Variants in FRAS1 observed in about 807,000 individuals in gnomAD.
FRAS1 encodes extracellular matrix organizing protein FRAS1.
FRAS1 carries 290 observed loss-of-function variants against 435.2 expected under a neutral mutation model. The observed-to-expected ratio is 0.67, with a 90% CI of 0.61 to 0.73. The LOEUF (loss-of-function observed/expected upper bound fraction) is 0.73, where lower values mean the gene tolerates loss of function less well. Ranked by LOEUF, FRAS1 falls within the 30% of genes least tolerant of loss-of-function variation. The pLI is 0.00. For synonymous variants in FRAS1, 1,800 were observed against 1,851.0 expected, an observed-to-expected ratio of 0.97 and a Z score of 0.71; for missense variants, 4,860 against 5,001.5, an observed-to-expected ratio of 0.97 and a Z score of 0.85.
At chr4:78,506,257 G>A (rs182376475) in intron 61 of FRAS1, among the ~76,000 whole-genome samples, 18 of 152,348 alleles carry the variant, frequency 1.2e-4, no homozygotes, top group African/African-American at 4.1e-4. Flanking sequence ...CAAATGCCAT[G>A]CTGGGAGAAC....
intron 55 of FRAS1, among the ~76,000 whole-genome samples, chr4:78,478,406 A>G (rs915975096): frequency 6.6e-6 from 1 of 152,242 alleles, no homozygotes; most frequent in African/African-American, 2.4e-5. Context: ...GAGGGAAGTT[A>G]CAGTTCATAA....
chr4:78,399,507 A>G (rs372897570), intron 29 of FRAS1, among the ~76,000 whole-genome samples: 1 of 152,184 alleles, frequency 6.6e-6, no homozygotes, highest in African/African-American at 2.4e-5. Flanking sequence ...GAAAATGTCA[A>G]TTATGAGGCT....
chr4:78,142,710 C>A (rs1720245193), intron 2 of FRAS1, among the ~76,000 whole-genome samples: 1 of 152,022 alleles, frequency 6.6e-6, no homozygotes, highest in Non-Finnish European at 1.5e-5. Context: ...AAATACACAA[C>A]AAAAATAGTT....
chr4:78,439,801 C>T (rs952829271), intron 40 of FRAS1, among the ~76,000 whole-genome samples: 1 of 151,918 alleles, frequency 6.6e-6, no homozygotes, highest in African/African-American at 2.4e-5. Flanking sequence ...TGGCTCTTGT[C>T]TTTAAAATAT....
At chr4:78,271,449 T>G (rs536973350) in intron 9 of FRAS1, among the ~76,000 whole-genome samples, 1 of 152,140 alleles carries the variant, frequency 6.6e-6, no homozygotes, top group Admixed American at 6.5e-5. Context: ...TATCTCCTAA[T>G]GCTATCCCTC....
intron 2 of FRAS1, among the ~76,000 whole-genome samples, chr4:78,234,572 A>T (rs1407061370): frequency 6.6e-6 from 1 of 152,190 alleles, no homozygotes; most frequent in Non-Finnish European, 1.5e-5. Flanking sequence ...AGTAGACTGT[A>T]ATAGTTACAC....
chr4:78,151,586 G>C (rs1434574668), intron 2 of FRAS1, among the ~76,000 whole-genome samples: 1 of 152,166 alleles, frequency 6.6e-6, no homozygotes, highest in Non-Finnish European at 1.5e-5. Flanking sequence ...TCAAGTTAAG[G>C]CTAATGGAAG....
intron 2 of FRAS1, among the ~76,000 whole-genome samples, chr4:78,128,043 G>A (rs1055876658): frequency 6.6e-6 from 1 of 151,810 alleles, no homozygotes; most frequent in Non-Finnish European, 1.5e-5. Context: ...GAGGATGATG[G>A]TTTCCAGTTT....
intron 27 of FRAS1, among the ~76,000 whole-genome samples, chr4:78,380,723 T>C (rs1199835509): frequency 6.6e-6 from 1 of 152,198 alleles, no homozygotes; most frequent in Non-Finnish European, 1.5e-5. Context: ...AGACTCTATG[T>C]ATAAACAAGG....
chr4:78,086,443 G>A (rs934991410), intron 2 of FRAS1, among the ~76,000 whole-genome samples: 3 of 152,014 alleles, frequency 2.0e-5, no homozygotes, highest in Non-Finnish European at 4.4e-5. Flanking sequence ...AACTGAAGGA[G>A]ATAGAGACAC....
At chr4:78,400,394 G>A (rs1481183082) in intron 29 of FRAS1, among the ~76,000 whole-genome samples, 1 of 152,144 alleles carries the variant, frequency 6.6e-6, no homozygotes. Context: ...CATATAATAG[G>A]TGCTTAATGA....
At chr4:78,317,180 G>A (rs891219583) in intron 16 of FRAS1, among the ~76,000 whole-genome samples, 188 bp from the exon 17 acceptor site, 3 of 152,202 alleles carry the variant, frequency 2.0e-5, no homozygotes, top group Non-Finnish European at 4.4e-5. Flanking sequence ...GTAGAGCATG[G>A]CTAAATGGTG....
intron 2 of FRAS1, among the ~76,000 whole-genome samples, chr4:78,121,419 C>T (rs866888689): frequency 6.6e-6 from 1 of 152,188 alleles, no homozygotes; most frequent in Non-Finnish European, 1.5e-5. Flanking sequence ...CCAGTGAGAA[C>T]CCTGATTAGG....
intron 14 of FRAS1, among the ~76,000 whole-genome samples, chr4:78,307,274 C>A (rs1176312037): frequency 2.0e-5 from 3 of 152,252 alleles, no homozygotes; most frequent in South Asian, 4.1e-4. Context: ...TCAAAGCTGT[C>A]AGACAGGGAC....
chr4:78,095,284 T>G (rs1196407391), intron 2 of FRAS1, among the ~76,000 whole-genome samples: 1 of 152,230 alleles, frequency 6.6e-6, no homozygotes, highest in Non-Finnish European at 1.5e-5. Context: ...TATTTCCAGA[T>G]GGCCTATTAC....
chr4:78,224,521 A>G (rs189190784), intron 2 of FRAS1, among the ~76,000 whole-genome samples: 44 of 152,222 alleles, frequency 2.9e-4, no homozygotes, highest in African/African-American at 9.4e-4. Context: ...AGCTATGAGG[A>G]TGTGTGTGGG....
intron 9 of FRAS1, 81 bp downstream of exon 9, chr4:78,267,513 T>A: frequency 7.5e-7 from 1 of 1,337,442 alleles, no homozygotes; most frequent in South Asian, 1.4e-5. Context: ...GTTCTTTACT[T>A]CTTGGCAGCA....
chr4:78,439,982 T>C (rs1560729033), intron 40 of FRAS1, among the ~76,000 whole-genome samples: 1 of 152,066 alleles, frequency 6.6e-6, no homozygotes, highest in Non-Finnish European at 1.5e-5. Flanking sequence ...TCTGGTTTTG[T>C]TGAGCAACTG....
At chr4:78,131,306 C>T (rs901040645) in intron 2 of FRAS1, among the ~76,000 whole-genome samples, 3 of 152,012 alleles carry the variant, frequency 2.0e-5, no homozygotes, top group African/African-American at 7.2e-5. Flanking sequence ...ATATTTGATC[C>T]AGGCAGGCAC....
Sources: allele counts gnomAD v4.1 joint callset (sites outside exome capture counted in the v4.1 genomes callset), GRCh38; gene constraint gnomAD v4.1.1; transcripts MANE v1.5; gene names NCBI Gene and HGNC (gene_info 2026-07-23, HGNC 2026-07-21).